Variants in APP observed in about 807,000 individuals in gnomAD.
APP encodes the protein amyloid beta precursor protein.
A neutral mutation model predicts 101.4 loss-of-function variants in APP; 31 were observed. The ratio of observed to expected loss-of-function variants is 0.31; its 90% CI spans 0.23 to 0.41. The LOEUF (loss-of-function observed/expected upper bound fraction) is 0.41. APP is among the 10% of genes least tolerant of loss of function. APP has a pLI of 1.00. For synonymous variants in APP, 366 were observed against 364.4 expected (o/e 1.00, Z -0.05); for missense variants, 839 against 1,003.7 (o/e 0.84, Z 2.22).
intron 6 of APP, among the ~76,000 whole-genome samples, chr21:26,002,880 T>C (rs943678237): frequency 6.6e-6 from 1 of 152,206 alleles, no homozygotes; most frequent in Non-Finnish European, 1.5e-5. Context: ...ACCTTGTCTT[T>C]ATGAGTCTAT....
At chr21:26,137,042 C>G (rs983526677) in intron 1 of APP, among the ~76,000 whole-genome samples, 13 of 107,664 alleles carry the variant, frequency 1.2e-4, no homozygotes, top group Non-Finnish European at 1.7e-4. Context: ...TCAAGAGATC[C>G]TCCCGCCTCC....
At chr21:26,058,588 G>GT (rs2046135133) in intron 3 of APP, among the ~76,000 whole-genome samples, 2 of 152,162 alleles carry the variant, frequency 1.3e-5, no homozygotes, top group Non-Finnish European at 2.9e-5. Flanking sequence ...TAAAACCACA[G>GT]TAACTTCCCA....
Position 26,000,039 on chromosome 21 carries a change from A to G in APP, c.1009T>C (p.Cys337Arg). Residue 337 changes from cysteine (C) to arginine (R), a missense_variant, in exon 7 of 18, where the codon TGC becomes CGC. Cys to Arg is a radical substitution (Grantham distance 180). Coordinates refer to ENST00000346798, the MANE Select transcript of APP (RefSeq NM_000484.4). ...CTGGCGCTGCCACACACGGCCATGCAGTACTCTTCTGTGTCAAAGTTGTTC... is the reference window on the plus strand; with the variant it reads ...CTGGCGCTGCCACACACGGCCATGCGGTACTCTTCTGTGTCAAAGTTGTTC... ...NRNNFDTEEY[C>R]MAVCGSAMSQ... is the part of the protein sequence containing the mutation. 1 of 1,614,142 alleles carries G rather than the reference A, an allele frequency of 6.2e-7. No individual in the cohort carries two copies. Among genetic ancestry groups the G allele is most frequent in the Non-Finnish European group, 8.5e-7 (1 of 1,180,008 alleles).
Position 26,051,048 on chromosome 21 carries a change from T to C in APP, c.614A>G (p.Asp205Gly). The C allele has an allele frequency of 6.2e-7, 1 of 1,614,070 alleles. No homozygotes were observed. Among genetic ancestry groups the C allele is most frequent in the East Asian group, 2.2e-5 (1 of 44,886 alleles). The part of the protein sequence containing the change: ...NVDSADAEED[D>G]SDVWWGGADT... ...TGCTCCGCCCCACCAGACATCCGAG[T>C]CATCCTCCTCCGCATCAGCAGAATC... The change falls in exon 5 of 18, where the codon GAC (aspartate) becomes GGC (glycine). Residue 205 changes from aspartate (D) to glycine (G), a missense_variant. Transcript: ENST00000346798.
intron 16 of APP, among the ~76,000 whole-genome samples, chr21:25,896,580 G>A (rs972506888): frequency 6.6e-6 from 1 of 152,120 alleles, no homozygotes; most frequent in Non-Finnish European, 1.5e-5. Context: ...TGATAAGATG[G>A]AACCCTAACA....
chr21:25,932,155 T>C (rs1338168740), intron 13 of APP, among the ~76,000 whole-genome samples: 1 of 152,224 alleles, frequency 6.6e-6, no homozygotes, highest in Non-Finnish European at 1.5e-5. Context: ...TAAAGTGCAA[T>C]GGGTTTTAAA....
intron 13 of APP, among the ~76,000 whole-genome samples, chr21:25,915,413 A>G (rs188138464): frequency 6.6e-6 from 1 of 152,316 alleles, no homozygotes; most frequent in East Asian, 1.9e-4. Context: ...TCAAGACCCA[A>G]TGGCCAGTAA....
chr21:26,044,780 C>A (rs532623979), intron 5 of APP, among the ~76,000 whole-genome samples: 4 of 152,146 alleles, frequency 2.6e-5, no homozygotes, highest in Non-Finnish European at 5.9e-5. Flanking sequence ...CTCAGGCGAT[C>A]GGCCCACCTC....
At chr21:26,158,669 G>A (rs116881101) in intron 1 of APP, among the ~76,000 whole-genome samples, 2,049 of 152,068 alleles carry the variant, frequency 0.013, 24 homozygotes, top group Non-Finnish European at 0.018. Context: ...ACTCATTAAG[G>A]GCATCCAAAA....
At chr21:26,122,840 G>T (rs2062604929) in intron 1 of APP, among the ~76,000 whole-genome samples, 1 of 150,696 alleles carries the variant, frequency 6.6e-6, no homozygotes, top group Non-Finnish European at 1.5e-5. Context: ...GAGATCACAG[G>T]CAAGTAGACA....
chr21:25,985,991 G>A (rs939416999), intron 8 of APP, among the ~76,000 whole-genome samples: 12 of 152,138 alleles, frequency 7.9e-5, no homozygotes, highest in South Asian at 2.1e-4. Context: ...TGAGGATCCC[G>A]GAAGGAGAGA....
intron 1 of APP, among the ~76,000 whole-genome samples, chr21:26,144,292 C>G (rs2063110799): frequency 6.6e-6 from 1 of 152,152 alleles, no homozygotes; most frequent in African/African-American, 2.4e-5. Context: ...CAAACCACAT[C>G]ACTCACTGAA....
chr21:25,991,535 G>A (rs971985997), intron 8 of APP, among the ~76,000 whole-genome samples: 3 of 152,028 alleles, frequency 2.0e-5, no homozygotes, highest in Non-Finnish European at 4.4e-5. Context: ...CCATCACCAC[G>A]CCCAGCTAGT....
Position 25,905,059 on chromosome 21 carries a change from C to A in APP, c.1928G>T (p.Arg643Leu). ...TENEVEPVDA[R>L]PAADRGLTTR... ...GGTCAGTCCTCGGTCGGCAGCAGGG[C>A]GGGCATCAACAGGCTCAACTGGGCA... The change falls in exon 15 of 18, where the codon CGC becomes CTC. Residue 643 changes from arginine (R) to leucine (L), a missense_variant. By Grantham distance (102) the Arg-to-Leu change is moderately radical. Coordinates refer to ENST00000346798, the MANE Select transcript of APP (RefSeq NM_000484.4). The A allele has an allele frequency of 6.2e-7, 1 of 1,613,782 alleles. No individual in the cohort carries two copies. Among genetic ancestry groups the A allele is most frequent in the Non-Finnish European group, 8.5e-7 (1 of 1,179,914 alleles).
At chr21:25,949,825 A>T (rs1888065826) in intron 13 of APP, among the ~76,000 whole-genome samples, 1 of 152,332 alleles carries the variant, frequency 6.6e-6, no homozygotes, top group Non-Finnish European at 1.5e-5. Flanking sequence ...AGAGGAAAAT[A>T]GGCAGCAGAA....
intron 17 of APP, among the ~76,000 whole-genome samples, chr21:25,883,350 C>T (rs2037114608): frequency 6.6e-6 from 1 of 152,060 alleles, no homozygotes; most frequent in Non-Finnish European, 1.5e-5. Flanking sequence ...TTGCAGTGAG[C>T]CAAGATTGTG....
chr21:26,015,416 G>A (rs2044009682), intron 6 of APP, among the ~76,000 whole-genome samples: 1 of 152,136 alleles, frequency 6.6e-6, no homozygotes, highest in African/African-American at 2.4e-5. Flanking sequence ...TTTACAAAAA[G>A]AAGCAATGAG....
chr21:25,985,502 T>C (rs1224387665), intron 8 of APP, among the ~76,000 whole-genome samples: 1 of 152,202 alleles, frequency 6.6e-6, no homozygotes, highest in Non-Finnish European at 1.5e-5. Flanking sequence ...ATTGGTCTTC[T>C]CTTCTCCCTG....
chr21:26,016,206 T>A (rs1034594002), intron 6 of APP, among the ~76,000 whole-genome samples: 1 of 152,160 alleles, frequency 6.6e-6, no homozygotes, highest in Non-Finnish European at 1.5e-5. Context: ...AATTTTTTTG[T>A]ATTTTTAGTG....
Sources: allele counts gnomAD v4.1 joint callset (sites outside exome capture counted in the v4.1 genomes callset), GRCh38; gene constraint gnomAD v4.1.1; transcripts MANE v1.5; gene names NCBI Gene and HGNC (gene_info 2026-07-23, HGNC 2026-07-21).